TRMT9B: variants seen among roughly 807,000 people sequenced by gnomAD.
TRMT9B encodes the protein tRNA methyltransferase 9B (putative).
In TRMT9B, 16 loss-of-function variants were observed where a neutral mutation model predicts 11.5. The observed-to-expected ratio is 1.39, with a 90% CI of 0.94 to 2.11. TRMT9B has a LOEUF of 2.11. Ranked by LOEUF, TRMT9B falls within the 30% of genes most tolerant of loss-of-function variation. TRMT9B has a pLI of 0.00. For synonymous variants in TRMT9B, 274 were observed against 192.4 expected, an observed-to-expected ratio of 1.42 and a Z score of -3.51; for missense variants, 941 against 553.8, an observed-to-expected ratio of 1.70 and a Z score of -7.02.
rs921446403 is a variant in TRMT9B at position 12,952,704 on chromosome 8, G to A, written c.-200+6738G>A. On this transcript the variant is annotated intron_variant, in intron 1 of 4. Coordinates refer to ENST00000524591, the MANE Select transcript of TRMT9B (RefSeq NM_020844.3). ...TTAAGAAGGAATGCCAAAATAGGAAGGTAAGGATTTGTATGATATTACTTG... is the reference window on the plus strand; with the variant it reads ...TTAAGAAGGAATGCCAAAATAGGAAAGTAAGGATTTGTATGATATTACTTG... 1.3e-5 allele frequency: 13 copies of A among 983,562 alleles called. No homozygotes were observed. The African/African-American group carries it at 2.3e-4, about 17-fold the overall frequency. 60.9% of individuals were successfully genotyped at this position (983,562 alleles called of 1,614,324 possible). A position where few individuals can be genotyped will look rare whatever the true frequency, so the allele number is the denominator to read the frequency against.
intron 2 of TRMT9B, among the ~76,000 whole-genome samples, chr8:12,999,081 A>T (rs1212865474): frequency 6.6e-6 from 1 of 152,090 alleles, no homozygotes; most frequent in African/African-American, 2.4e-5. Flanking sequence ...CAGGTGGATC[A>T]TGAGGTCAGA....
At chr8:12,963,343 G>A (rs1291972208) in intron 1 of TRMT9B, among the ~76,000 whole-genome samples, 1 of 152,196 alleles carries the variant, frequency 6.6e-6, no homozygotes, top group Non-Finnish European at 1.5e-5. Context: ...TGAGGCAGGA[G>A]AATTGCTTGA....
chr8:13,008,205 T>A (rs1197560430), intron 3 of TRMT9B, among the ~76,000 whole-genome samples: 1 of 152,254 alleles, frequency 6.6e-6, no homozygotes, highest in Admixed American at 6.5e-5. Context: ...CAGCACACTA[T>A]AACTCTTTCG....
At position 13,025,352 on chromosome 8, in the gene TRMT9B, T is replaced by G. The variant is rs1313630630; in HGVS notation, c.*3308T>G. The G allele has an allele frequency of 1.8e-5, 3 of 162,922 alleles. No homozygotes were observed. Among genetic ancestry groups the G allele is most frequent in the Admixed American group, 6.6e-5 (1 of 15,258 alleles). The allele number at this position is 162,922 out of a possible 1,614,324, so 10.1% of individuals were successfully genotyped here. On this transcript the variant is annotated 3_prime_UTR_variant, in exon 5 of 5. Transcript: ENST00000524591. Reference sequence around the variant, plus strand: ...TGACCAACATGGTGAAACCCCGTCTTTATTAAATACAAAAAATTAGCCAGG... The same window carrying G: ...TGACCAACATGGTGAAACCCCGTCTGTATTAAATACAAAAAATTAGCCAGG...
At chr8:12,969,766 G>A (rs541101250) in intron 1 of TRMT9B, among the ~76,000 whole-genome samples, 1 of 151,680 alleles carries the variant, frequency 6.6e-6, no homozygotes, top group African/African-American at 2.4e-5. Context: ...CAAGTGCCTG[G>A]GCTCCAGGAA....
rs1295739655 is a variant in TRMT9B, at chr8:13,028,090, T to G, written c.*6046T>G. 1.8e-5 allele frequency: 3 copies of G among 167,096 alleles called. No individual in the cohort carries two copies. The highest frequency in any genetic ancestry group is 4.4e-5 in the Non-Finnish European group (3 of 68,126). 10.4% of individuals were successfully genotyped at this position (167,096 alleles called of 1,614,324 possible). ...AGAAGATTCTAGCTGAATTGTTCTA[T>G]TTTTAATTCCCCAGGGATCCTACGG... is the stretch of plus-strand genomic sequence containing the variant. On this transcript the variant is annotated 3_prime_UTR_variant, in exon 5 of 5. Coordinates refer to ENST00000524591, the MANE Select transcript of TRMT9B (RefSeq NM_020844.3).
chr8:13,026,528 G>C lies in TRMT9B; in HGVS notation c.*4484G>C, dbSNP rs1203339838. On this transcript the variant is annotated 3_prime_UTR_variant, in exon 5 of 5. Coordinates refer to ENST00000524591, the MANE Select transcript of TRMT9B (RefSeq NM_020844.3). ...CCTTCTCCTGGTCCCCTGTCCCAGG[G>C]GCTGTTTGTTAAAAAAGAGTAATAA... is the stretch of plus-strand genomic sequence containing the variant. The C allele has an allele frequency of 6.0e-6, 1 of 166,990 alleles. No homozygotes were observed. Among genetic ancestry groups the C allele is most frequent in the African/African-American group, 2.4e-5 (1 of 41,412 alleles). 10.3% of individuals were successfully genotyped at this position (166,990 alleles called of 1,614,324 possible). A position where few individuals can be genotyped will look rare whatever the true frequency, so the allele number is the denominator to read the frequency against.
intron 2 of TRMT9B, among the ~76,000 whole-genome samples, chr8:12,994,989 A>T (rs566897960): frequency 3.3e-5 from 5 of 152,316 alleles, no homozygotes; most frequent in African/African-American, 1.2e-4. Context: ...GCTGAAAAGA[A>T]CATTTTCAAA....
rs907084382 is a variant in TRMT9B at position 12,978,536 on chromosome 8, A to G, written c.-199-12298A>G. 1.3e-3 allele frequency among the ~76,000 whole-genome samples: 191 copies of G among 151,966 alleles called. 1 individual carries two copies. Among genetic ancestry groups the G allele is most frequent in the African/African-American group, 4.5e-3 (188 of 41,456 alleles). On this transcript the variant is annotated intron_variant, in intron 1 of 4. Coordinates refer to ENST00000524591, the MANE Select transcript of TRMT9B (RefSeq NM_020844.3). ...AGATAGATGATAGATAGATAGATAG[A>G]TAGATAGATAGATAGATAGATAGAT... is the stretch of plus-strand genomic sequence containing the variant.
rs944472499 is a variant in TRMT9B, at chr8:13,028,844, G to C, written c.*6800G>C. On this transcript the variant is annotated 3_prime_UTR_variant, in exon 5 of 5. Coordinates refer to ENST00000524591, the MANE Select transcript of TRMT9B (RefSeq NM_020844.3). ...GAGCTAATCATACCACTTCTAACTAGATTTTCTATTAATGTACAAGGAGGG... is the reference window on the plus strand; with the variant it reads ...GAGCTAATCATACCACTTCTAACTACATTTTCTATTAATGTACAAGGAGGG... 6 of 166,530 alleles carry C rather than the reference G, an allele frequency of 3.6e-5. No individual in the cohort carries two copies. The highest frequency in any genetic ancestry group is 3.2e-3 in the Middle Eastern group (1 of 316). 10.3% of individuals were successfully genotyped at this position (166,530 alleles called of 1,614,324 possible).
At chr8:12,976,476 G>A (rs868018573) in intron 1 of TRMT9B, among the ~76,000 whole-genome samples, 8 of 151,438 alleles carry the variant, frequency 5.3e-5, no homozygotes, top group Admixed American at 3.9e-4. Flanking sequence ...GCAGTGGCTC[G>A]TGCCTATAAT....
chr8:13,026,954 C>CT lies in TRMT9B; in HGVS notation c.*4917dup, dbSNP rs1038647371. On this transcript the variant is annotated 3_prime_UTR_variant, in exon 5 of 5. Coordinates refer to ENST00000524591, the MANE Select transcript of TRMT9B (RefSeq NM_020844.3). ...GTCTCTTACATATTTTCCCTTTTAT[C>CT]TTTTTTTCATTTGTAAATCTGTTTC... 6.0e-6 allele frequency: 1 copy of CT among 167,016 alleles called. No individual in the cohort carries two copies. The highest frequency in any genetic ancestry group is 2.4e-5 in the African/African-American group (1 of 41,426). 10.3% of individuals were successfully genotyped at this position (167,016 alleles called of 1,614,324 possible). A position where few individuals can be genotyped will look rare whatever the true frequency, so the allele number is the denominator to read the frequency against.
Position 13,001,493 on chromosome 8 carries a change from C to T in TRMT9B, c.-1-4709C>T, listed in dbSNP as rs926404735. On this transcript the variant is annotated intron_variant, in intron 2 of 4. Coordinates refer to ENST00000524591, the MANE Select transcript of TRMT9B (RefSeq NM_020844.3). ...CTTAGAAGTTATGATTTGTAGATAA[C>T]ATACTTCACTAAAACTACATGAATG... Among the ~76,000 whole-genome samples the T allele has an allele frequency of 3.0e-4, 45 of 152,202 alleles. 1 individual carries two copies. Among genetic ancestry groups the T allele is most frequent in the African/African-American group, 9.9e-4 (41 of 41,456 alleles).
At chr8:13,019,397 T>C (rs1251978624) in intron 4 of TRMT9B, among the ~76,000 whole-genome samples, 1 of 152,212 alleles carries the variant, frequency 6.6e-6, no homozygotes, top group East Asian at 1.9e-4. Flanking sequence ...GCTCAAATGA[T>C]CTTCCCACTT....
intron 3 of TRMT9B, chr8:13,011,891 C>G (rs1811674319): frequency 3.0e-6 from 3 of 984,374 alleles, no homozygotes; most frequent in Non-Finnish European, 3.6e-6. Context: ...ATTTGAAAGG[C>G]ATGTTTTAGT....
At chr8:12,983,910 CT>C (rs574514228) in intron 1 of TRMT9B, among the ~76,000 whole-genome samples, 2 of 152,168 alleles carry the variant, frequency 1.3e-5, no homozygotes, top group South Asian at 4.1e-4. Context: ...ACCCTGAACA[CT>C]TTTTTTAAAA....
chr8:12,967,041 A>C (rs1019359549), intron 1 of TRMT9B, among the ~76,000 whole-genome samples: 3 of 152,208 alleles, frequency 2.0e-5, no homozygotes, highest in Non-Finnish European at 4.4e-5. Context: ...TGTGGGAAGG[A>C]TAGGTAATGA....
At chr8:13,017,456 G>A (rs1177151306) in intron 4 of TRMT9B, among the ~76,000 whole-genome samples, 1 of 151,810 alleles carries the variant, frequency 6.6e-6, no homozygotes, top group Non-Finnish European at 1.5e-5. Context: ...TAAACAAAAG[G>A]GACTTTAAAA....
At chr8:12,985,029 T>G (rs1249446578) in intron 1 of TRMT9B, among the ~76,000 whole-genome samples, 2 of 151,940 alleles carry the variant, frequency 1.3e-5, no homozygotes, top group Non-Finnish European at 2.9e-5. Flanking sequence ...ATCATGTTCA[T>G]TTCCCCTATT....
Sources: allele counts gnomAD v4.1 joint callset (sites outside exome capture counted in the v4.1 genomes callset), GRCh38; gene constraint gnomAD v4.1.1; transcripts MANE v1.5; gene names NCBI Gene and HGNC (gene_info 2026-07-23, HGNC 2026-07-21).